FBXO34: variants seen among roughly 807,000 people sequenced by gnomAD.
FBXO34 encodes F-box protein 34, also known as F-box only protein 34.
In FBXO34, 12 loss-of-function variants were observed where a neutral mutation model predicts 24.5. That is an observed-to-expected ratio of 0.49 (90% confidence interval 0.31 to 0.79). The LOEUF (loss-of-function observed/expected upper bound fraction) is 0.79, where lower values mean the gene tolerates loss of function less well. Among genes scored for constraint, FBXO34 ranks in the 30% least tolerant of loss-of-function variants. The pLI, the probability that FBXO34 is intolerant of heterozygous loss-of-function variation, is 0.04. For missense variants in FBXO34, 823 were observed against 857.7 expected (o/e 0.96, Z 0.51); for synonymous variants, 320 against 311.9 (o/e 1.03, Z -0.27).
intron 1 of FBXO34, chr14:55,298,968 G>A (rs1882243709): frequency 1.9e-6 from 3 of 1,599,624 alleles, no homozygotes; most frequent in East Asian, 2.2e-5. Context: ...GGCGGCCCAC[G>A]ACAACATGGA....
At chr14:55,369,335 T>G, downstream of FBXO34, 1 of 246,474 alleles carries the variant, frequency 4.1e-6, no homozygotes, top group Non-Finnish European at 7.7e-6. Flanking sequence ...AACTGCTTCC[T>G]TGGCAGAACT....
intron 1 of FBXO34, among the ~76,000 whole-genome samples, chr14:55,299,712 C>A (rs536093227): frequency 6.6e-5 from 10 of 152,232 alleles, no homozygotes; most frequent in African/African-American, 2.4e-4. Flanking sequence ...AAAATACATT[C>A]AAGTTTGTGG....
chr14:55,320,302 G>A (rs189284155), intron 1 of FBXO34, among the ~76,000 whole-genome samples: 1 of 152,288 alleles, frequency 6.6e-6, no homozygotes, highest in East Asian at 1.9e-4. Context: ...GTGATTGTGT[G>A]CTTTGACCAG....
At chr14:55,334,559 T>A (rs1425080321) in intron 1 of FBXO34, among the ~76,000 whole-genome samples, 3 of 151,968 alleles carry the variant, frequency 2.0e-5, no homozygotes, top group Non-Finnish European at 2.9e-5. Context: ...GTAGATGTGA[T>A]CTGGGCAACG....
the FBXO34 span, among the ~76,000 whole-genome samples, chr14:55,399,483 T>G: frequency 6.6e-6 from 1 of 152,196 alleles, no homozygotes; most frequent in African/African-American, 2.4e-5. Context: ...GATGAACCCA[T>G]AGATTCATCA....
intron 1 of FBXO34, among the ~76,000 whole-genome samples, chr14:55,305,665 CAAAAA>C (rs911131291): frequency 2.6e-5 from 2 of 77,036 alleles, no homozygotes; most frequent in African/African-American, 4.8e-5. Flanking sequence ...CTGCACTCCT[CAAAAA>C]AAAAAAAAAA....
the FBXO34 span, chr14:55,414,299 C>T: frequency 1.5e-5 from 16 of 1,061,404 alleles, no homozygotes; most frequent in East Asian, 2.4e-5. Flanking sequence ...TACAATTAAA[C>T]GTAGAAGAAT....
At chr14:55,279,832 G>C (rs1398145660) in intron 1 of FBXO34, among the ~76,000 whole-genome samples, 1 of 152,216 alleles carries the variant, frequency 6.6e-6, no homozygotes, top group Non-Finnish European at 1.5e-5. Context: ...TCAAGAAGCA[G>C]TGGATGGCAG....
rs755750449 is a variant in FBXO34 at position 55,351,866 on chromosome 14, A to G, written c.1476A>G (p.Ser492=). 16 of 1,614,092 alleles carry G rather than the reference A, an allele frequency of 9.9e-6. No homozygotes were observed. In the East Asian group the frequency reaches 3.6e-4, roughly 36 times the overall value. The stretch of plus-strand genomic sequence containing the variant: ...TTTTGCCACCTGGTCAGCACTTGTC[A>G]GACTATTCCCAGTTGAATGAAAGCA... ...LFFLPPGQHL[S]DYSQLNESTT... Residue 492 remains serine, a synonymous_variant, in exon 2 of 2, where the codon TCA becomes TCG. Transcript: ENST00000313833.
At chr14:55,334,180 C>T (rs965070990) in intron 1 of FBXO34, among the ~76,000 whole-genome samples, 1 of 152,116 alleles carries the variant, frequency 6.6e-6, no homozygotes, top group African/African-American at 2.4e-5. Context: ...CCACCTTTTC[C>T]ACCGCTCATC....
rs28379450 is a variant in FBXO34, at chr14:55,299,124, C to T, written c.-11+27587C>T. 0.031 allele frequency: 38,896 copies of T among 1,263,510 alleles called. 3,702 individuals carry two copies. The African/African-American group carries it at 0.31, about 10-fold the overall frequency. 78.3% of individuals were successfully genotyped at this position (1,263,510 alleles called of 1,614,324 possible). A position where few individuals can be genotyped will look rare whatever the true frequency, so the allele number is the denominator to read the frequency against. ...CATGGCGGAATTAGAAGAACTAGAA[C>T]AGGAGGAACCAGACAAGAATTTGCT... On this transcript the variant is annotated intron_variant, in intron 1 of 1. Coordinates refer to ENST00000313833, the MANE Select transcript of FBXO34 (RefSeq NM_017943.4).
the FBXO34 span, among the ~76,000 whole-genome samples, chr14:55,392,384 C>G: frequency 4.6e-5 from 7 of 152,138 alleles, no homozygotes; most frequent in African/African-American, 1.7e-4. Flanking sequence ...TGCAGTGACT[C>G]ACACCTGTAA....
chr14:55,305,286 C>T (rs138847816), intron 1 of FBXO34, among the ~76,000 whole-genome samples: 1,838 of 152,066 alleles, frequency 0.012, 44 homozygotes, highest in African/African-American at 0.041. Flanking sequence ...GTGGTGCGCA[C>T]CTGTAGTCCC....
intron 1 of FBXO34, among the ~76,000 whole-genome samples, chr14:55,300,199 T>C (rs1160559623): frequency 6.6e-6 from 1 of 152,206 alleles, no homozygotes; most frequent in African/African-American, 2.4e-5. Context: ...TTGCAGTTGG[T>C]TGGTAATGAC....
intron 1 of FBXO34, among the ~76,000 whole-genome samples, chr14:55,273,814 A>T (rs1405589962): frequency 6.6e-6 from 1 of 151,958 alleles, no homozygotes; most frequent in African/African-American, 2.4e-5. Flanking sequence ...GTTTTTTTGT[A>T]TGTTTTTTTG....
intron 1 of FBXO34, among the ~76,000 whole-genome samples, chr14:55,283,622 G>GTATTA (rs1566539587): frequency 2.0e-5 from 3 of 151,718 alleles, no homozygotes; most frequent in African/African-American, 7.3e-5. Flanking sequence ...CAACCACCAT[G>GTATTA]CCCGACTAAT....
At chr14:55,359,978 G>A (rs989658303) in intron 3 of FBXO34, among the ~76,000 whole-genome samples, 3 of 151,652 alleles carry the variant, frequency 2.0e-5, no homozygotes, top group Non-Finnish European at 2.9e-5. Flanking sequence ...TAGTTGAGGC[G>A]CTGAGGTGAG....
At chr14:55,410,140 T>C in the FBXO34 span, among the ~76,000 whole-genome samples, 2 of 152,180 alleles carry the variant, frequency 1.3e-5, no homozygotes, top group Non-Finnish European at 2.9e-5. Context: ...GGGATGAGCA[T>C]GGGAAAACAG....
chr14:55,439,278 TAA>T, the FBXO34 span, among the ~76,000 whole-genome samples: 11 of 133,860 alleles, frequency 8.2e-5, no homozygotes, highest in East Asian at 2.2e-4. Flanking sequence ...TAATTAACTT[TAA>T]AAAAAAAAAA....
Sources: allele counts gnomAD v4.1 joint callset (sites outside exome capture counted in the v4.1 genomes callset), GRCh38; gene constraint gnomAD v4.1.1; transcripts MANE v1.5; gene names NCBI Gene and HGNC (gene_info 2026-07-23, HGNC 2026-07-21).